The following GALNT13 variants were observed in gnomAD, a reference collection of about 807,000 sequenced individuals.
The protein encoded by GALNT13 is polypeptide N-acetylgalactosaminyltransferase 13.
In GALNT13, 28 loss-of-function variants were observed where a neutral mutation model predicts 64.2. The observed-to-expected ratio is 0.44, with a 90% confidence interval of 0.32 to 0.60. GALNT13 has a LOEUF of 0.60. GALNT13 is among the 20% of genes least tolerant of loss of function. The pLI is 0.05. For missense variants in GALNT13, 577 were observed against 669.8 expected, an observed-to-expected ratio of 0.86 and a Z score of 1.53; for synonymous variants, 214 against 224.6, an observed-to-expected ratio of 0.95 and a Z score of 0.42.
chr2:154,379,020 A>C (rs1439663696), intron 9 of GALNT13, among the ~76,000 whole-genome samples: 1 of 152,108 alleles, frequency 6.6e-6, no homozygotes, highest in African/African-American at 2.4e-5. Context: ...ACGTAAAATG[A>C]AACCATAATA....
chr2:153,804,390 T>A, the GALNT13 span, among the ~76,000 whole-genome samples: 4 of 152,170 alleles, frequency 2.6e-5, no homozygotes, highest in Non-Finnish European at 5.9e-5. Flanking sequence ...CTGCCCAGAT[T>A]GGTCTCAGTC....
At chr2:153,220,857 T>C in the GALNT13 span, among the ~76,000 whole-genome samples, 1 of 152,202 alleles carries the variant, frequency 6.6e-6, no homozygotes, top group Non-Finnish European at 1.5e-5. Context: ...GCTATATCAA[T>C]GATCATTTTA....
chr2:153,333,608 A>G, the GALNT13 span, among the ~76,000 whole-genome samples: 534 of 152,330 alleles, frequency 3.5e-3, 2 homozygotes, highest in Middle Eastern at 0.017. Context: ...TTTTAAACTC[A>G]TGATCTGTGC....
chr2:153,267,831 G>A, the GALNT13 span, among the ~76,000 whole-genome samples: 1 of 152,200 alleles, frequency 6.6e-6, no homozygotes, highest in Admixed American at 6.5e-5. Context: ...TCATCAGGCT[G>A]CAAATTTTCC....
the GALNT13 span, among the ~76,000 whole-genome samples, chr2:153,543,724 G>A: frequency 3.3e-5 from 5 of 152,268 alleles, no homozygotes; most frequent in Admixed American, 2.0e-4. Context: ...ACAAGAAACC[G>A]TCTTCCTGCT....
intron 4 of GALNT13, among the ~76,000 whole-genome samples, chr2:154,208,568 C>T (rs1444593925): frequency 6.6e-6 from 1 of 151,056 alleles, no homozygotes; most frequent in Non-Finnish European, 1.5e-5. Flanking sequence ...CTGTTTGACC[C>T]TGGAATCTGA....
chr2:154,291,831 C>A (rs982916999), intron 8 of GALNT13, among the ~76,000 whole-genome samples: 1 of 152,256 alleles, frequency 6.6e-6, no homozygotes, highest in African/African-American at 2.4e-5. Flanking sequence ...CGAGAGCAAG[C>A]GAGGACTGCT....
the GALNT13 span, among the ~76,000 whole-genome samples, chr2:153,840,630 A>T: frequency 6.6e-6 from 1 of 152,180 alleles, no homozygotes; most frequent in Non-Finnish European, 1.5e-5. Flanking sequence ...GCAGAGCATA[A>T]GTAAACCACA....
chr2:153,508,990 T>G, the GALNT13 span, among the ~76,000 whole-genome samples: 1 of 152,186 alleles, frequency 6.6e-6, no homozygotes, highest in Non-Finnish European at 1.5e-5. Flanking sequence ...AAAGAAGTTG[T>G]CCTTCCCCAA....
chr2:153,789,362 T>C, the GALNT13 span, among the ~76,000 whole-genome samples: 1 of 151,880 alleles, frequency 6.6e-6, no homozygotes, highest in South Asian at 2.1e-4. Context: ...GGTAAATAAT[T>C]AAGGCAGAAA....
chr2:153,158,161 C>A, the GALNT13 span, among the ~76,000 whole-genome samples: 1 of 152,048 alleles, frequency 6.6e-6, no homozygotes, highest in Admixed American at 6.6e-5. Context: ...TTCACCAGTG[C>A]CTTTCTGGTT....
At chr2:153,719,859 T>G in the GALNT13 span, among the ~76,000 whole-genome samples, 1 of 151,678 alleles carries the variant, frequency 6.6e-6, no homozygotes, top group African/African-American at 2.4e-5. Context: ...GAGATCAAAC[T>G]GCAAGGCGGC....
the GALNT13 span, among the ~76,000 whole-genome samples, chr2:153,132,897 A>G: frequency 3.3e-5 from 5 of 151,862 alleles, no homozygotes; most frequent in Admixed American, 6.6e-5. Flanking sequence ...TGTTTTTGGT[A>G]TTTTTTGTAG....
At chr2:153,176,620 T>G in the GALNT13 span, among the ~76,000 whole-genome samples, 1 of 152,000 alleles carries the variant, frequency 6.6e-6, no homozygotes, top group Admixed American at 6.6e-5. Context: ...ATCTAATATC[T>G]TCTCTCTGTC....
the GALNT13 span, among the ~76,000 whole-genome samples, chr2:153,266,908 C>T: frequency 6.6e-6 from 1 of 152,180 alleles, no homozygotes; most frequent in Non-Finnish European, 1.5e-5. Context: ...AGTCCAAAGT[C>T]TCATCTAAGA....
intron 4 of GALNT13, among the ~76,000 whole-genome samples, chr2:154,174,653 C>G (rs1225874006): frequency 6.6e-6 from 1 of 152,054 alleles, no homozygotes; most frequent in African/African-American, 2.4e-5. Context: ...AAGATATAAC[C>G]TTTATTTCCT....
the GALNT13 span, among the ~76,000 whole-genome samples, chr2:153,456,121 G>A: frequency 2.0e-5 from 3 of 152,174 alleles, no homozygotes; most frequent in African/African-American, 7.2e-5. Flanking sequence ...GATGGGGCAG[G>A]GGGCGGGCCA....
At chr2:154,000,195 TTTAG>T (rs1163738296) in intron 3 of GALNT13, among the ~76,000 whole-genome samples, 3 of 151,934 alleles carry the variant, frequency 2.0e-5, no homozygotes, top group African/African-American at 7.3e-5. Flanking sequence ...TCTGATTTTA[TTTAG>T]TTGAGTTTTT....
At chr2:153,578,412 T>C in the GALNT13 span, among the ~76,000 whole-genome samples, 1 of 152,186 alleles carries the variant, frequency 6.6e-6, no homozygotes. Flanking sequence ...CATTAGGCCA[T>C]GGAGAAATTA....
Sources: allele counts gnomAD v4.1 joint callset (sites outside exome capture counted in the v4.1 genomes callset), GRCh38; gene constraint gnomAD v4.1.1; transcripts MANE v1.5; gene names NCBI Gene and HGNC (gene_info 2026-07-23, HGNC 2026-07-21).